The following GALNTL6 variants were observed in gnomAD, a reference collection of about 807,000 sequenced individuals.
GALNTL6 encodes the protein polypeptide N-acetylgalactosaminyltransferase like 6, also known as polypeptide N-acetylgalactosaminyltransferase-like 6.
GALNTL6 carries 46 observed loss-of-function variants against 73.7 expected under a neutral mutation model. That is an observed-to-expected ratio of 0.62 (90% CI 0.49 to 0.80). GALNTL6 has a LOEUF of 0.80. GALNTL6 is among the 30% of genes least tolerant of loss of function. The pLI is 0.00. For synonymous variants in GALNTL6, 259 were observed against 263.7 expected (o/e 0.98, Z 0.17); for missense variants, 604 against 755.0 (o/e 0.80, Z 2.34).
At chr4:172,475,825 T>C (rs139756193) in intron 5 of GALNTL6, among the ~76,000 whole-genome samples, 350 of 152,326 alleles carry the variant, frequency 2.3e-3, no homozygotes, top group African/African-American at 8.1e-3. Flanking sequence ...TATCCAGGGA[T>C]CCATCCAGAT....
At chr4:171,902,685 G>C (rs1737133733) in intron 2 of GALNTL6, among the ~76,000 whole-genome samples, 1 of 152,150 alleles carries the variant, frequency 6.6e-6, no homozygotes, top group South Asian at 2.1e-4. Flanking sequence ...AAAAATTCAG[G>C]ATATGAATTT....
intron 5 of GALNTL6, among the ~76,000 whole-genome samples, chr4:172,422,515 T>C (rs544823166): frequency 1.3e-5 from 2 of 152,112 alleles, no homozygotes; most frequent in East Asian, 3.9e-4. Context: ...CTCTGATTGT[T>C]GAAGTGTCCC....
chr4:171,893,209 T>C (rs1186699767), intron 2 of GALNTL6, among the ~76,000 whole-genome samples: 1 of 152,202 alleles, frequency 6.6e-6, no homozygotes, highest in Non-Finnish European at 1.5e-5. Context: ...CAGGAATTAA[T>C]CCACATCCAT....
chr4:172,785,136 G>A (rs552234566), intron 5 of GALNTL6, among the ~76,000 whole-genome samples: 5 of 152,186 alleles, frequency 3.3e-5, no homozygotes, highest in Admixed American at 2.6e-4. Flanking sequence ...TTAACTATAT[G>A]AAAGACAGAA....
rs763396984 is a variant in GALNTL6 at position 172,943,778 on chromosome 4, C to T, written c.1150-8259C>T. Among the ~76,000 whole-genome samples the T allele has an allele frequency of 1.1e-4, 17 of 152,290 alleles. No individual in the cohort carries two copies. The East Asian group carries it at 2.1e-3, about 19-fold the overall frequency. Reference sequence around the variant, plus strand: ...CAACTTAGCAACAACAAACACACAACCTGATTGATATATGCAAGAATCTAT... The same window carrying T: ...CAACTTAGCAACAACAAACACACAATCTGATTGATATATGCAAGAATCTAT... On this transcript the variant is annotated intron_variant, in intron 9 of 12. Transcript: ENST00000506823.
chr4:172,180,393 G>C lies in GALNTL6; in HGVS notation c.139-49263G>C, dbSNP rs147705120. On this transcript the variant is annotated intron_variant, in intron 2 of 12. Transcript: ENST00000506823. ...TGCAAAAATTTTCTGCCATTCTGTA[G>C]GTTTCCTGTTCATTCTGGTGATAGT... Among the ~76,000 whole-genome samples, 636 of 151,968 alleles carry C rather than the reference G, an allele frequency of 4.2e-3. 3 individuals are homozygous for C. Among genetic ancestry groups the C allele is most frequent in the African/African-American group, 0.014 (594 of 41,510 alleles).
At chr4:171,842,107 G>A (rs1014492981) in intron 2 of GALNTL6, among the ~76,000 whole-genome samples, 13 of 151,794 alleles carry the variant, frequency 8.6e-5, no homozygotes, top group Admixed American at 4.6e-4. Context: ...CGTACCTTTC[G>A]GTTTTGTCAT....
At chr4:172,919,921 G>A (rs932664353) in intron 8 of GALNTL6, among the ~76,000 whole-genome samples, 14 of 152,018 alleles carry the variant, frequency 9.2e-5, no homozygotes, top group Non-Finnish European at 1.9e-4. Context: ...CCCCCAAATC[G>A]CTGTTTTTAA....
At chr4:172,617,525 G>GGA in intron 5 of GALNTL6, among the ~76,000 whole-genome samples, 1 of 151,816 alleles carries the variant, frequency 6.6e-6, no homozygotes. Flanking sequence ...CGCCCAGGCT[G>GGA]GAGAGTAGTG....
chr4:172,191,911 C>T (rs1380776944), intron 2 of GALNTL6, among the ~76,000 whole-genome samples: 1 of 152,128 alleles, frequency 6.6e-6, no homozygotes. Flanking sequence ...TTCTGCTTTT[C>T]ACAAATACCT....
intron 2 of GALNTL6, among the ~76,000 whole-genome samples, chr4:172,168,188 G>C (rs917669640): frequency 6.6e-6 from 1 of 152,096 alleles, no homozygotes; most frequent in African/African-American, 2.4e-5. Flanking sequence ...TGAAATCCAC[G>C]AAAAGTTTCC....
At chr4:172,838,793 T>C (rs557890741) in intron 7 of GALNTL6, among the ~76,000 whole-genome samples, 2 of 152,312 alleles carry the variant, frequency 1.3e-5, no homozygotes, top group African/African-American at 4.8e-5. Flanking sequence ...GTTTACCCTT[T>C]GAAAAATACT....
chr4:172,841,523 A>G (rs1422245001), intron 7 of GALNTL6, among the ~76,000 whole-genome samples: 3 of 152,226 alleles, frequency 2.0e-5, no homozygotes, highest in Admixed American at 6.5e-5. Flanking sequence ...TGGGTAATTT[A>G]TAAAGAAAAG....
At chr4:172,370,143 A>T (rs931559989) in intron 5 of GALNTL6, among the ~76,000 whole-genome samples, 2 of 152,150 alleles carry the variant, frequency 1.3e-5, no homozygotes, top group African/African-American at 4.8e-5. Context: ...TGTCCTCCAG[A>T]GGAGAGCTCT....
intron 2 of GALNTL6, among the ~76,000 whole-genome samples, chr4:172,048,729 T>C (rs1442929422): frequency 1.3e-5 from 2 of 151,856 alleles, no homozygotes; most frequent in Non-Finnish European, 1.5e-5. Context: ...AAGTTTTTCA[T>C]TTTTTATTTT....
At chr4:171,883,371 A>C (rs1353420465) in intron 2 of GALNTL6, among the ~76,000 whole-genome samples, 1 of 152,092 alleles carries the variant, frequency 6.6e-6, no homozygotes, top group South Asian at 2.1e-4. Context: ...GTAAAAATAA[A>C]AGTAAAATAA....
intron 7 of GALNTL6, among the ~76,000 whole-genome samples, chr4:172,828,277 AAAAAAAAAAAAGAAACAAAC>A (rs1742384645): frequency 6.6e-6 from 1 of 151,324 alleles, no homozygotes; most frequent in Non-Finnish European, 1.5e-5. Context: ...ATCTCAAAAA[AAAAAAAAAAAAGAAACAAAC>A]AAAAAAAACA....
At chr4:172,707,323 T>C (rs1295108610) in intron 5 of GALNTL6, among the ~76,000 whole-genome samples, 2 of 152,218 alleles carry the variant, frequency 1.3e-5, no homozygotes, top group Non-Finnish European at 2.9e-5. Context: ...GTGTTTGTTG[T>C]AGCAGTGACA....
At chr4:172,095,377 C>A (rs1011466749) in intron 2 of GALNTL6, among the ~76,000 whole-genome samples, 1 of 151,734 alleles carries the variant, frequency 6.6e-6, no homozygotes, top group East Asian at 1.9e-4. Flanking sequence ...AGCGCGTGTA[C>A]GAAGGGATGC....
Sources: allele counts gnomAD v4.1 joint callset (sites outside exome capture counted in the v4.1 genomes callset), GRCh38; gene constraint gnomAD v4.1.1; transcripts MANE v1.5; gene names NCBI Gene and HGNC (gene_info 2026-07-23, HGNC 2026-07-21).